Variants in DRC8 observed in about 807,000 individuals in gnomAD.
DRC8 encodes the protein dynein regulatory complex protein 8.
At chr1:244,970,641 G>GCCCCGCCCCGACCCGCCTCTCTC in the DRC8 span, 1 of 82,332 alleles carries the variant, frequency 1.2e-5, no homozygotes, top group Non-Finnish European at 1.9e-5. Context: ...CCGCCGCTCC[G>GCCCCGCCCCGACCCGCCTCTCTC]CCCCGCCCCG....
the DRC8 span, among the ~76,000 whole-genome samples, chr1:245,114,655 A>G: frequency 6.6e-6 from 1 of 152,154 alleles, no homozygotes; most frequent in African/African-American, 2.4e-5. Context: ...GTTTGGTGAA[A>G]TAGGGCAGAT....
At chr1:244,974,560 CTT>C in the DRC8 span, among the ~76,000 whole-genome samples, 1 of 152,122 alleles carries the variant, frequency 6.6e-6, no homozygotes, top group Non-Finnish European at 1.5e-5. Context: ...TTGTGCCACT[CTT>C]TTGAAAACCC....
At chr1:245,017,115 A>G in the DRC8 span, 1 of 859,936 alleles carries the variant, frequency 1.2e-6, no homozygotes, top group Non-Finnish European at 1.7e-6. Context: ...ATGCTAAATG[A>G]TACATAAATA....
chr1:245,067,786 G>A, the DRC8 span, among the ~76,000 whole-genome samples: 1 of 152,150 alleles, frequency 6.6e-6, no homozygotes, highest in African/African-American at 2.4e-5. Context: ...GAATTTGACT[G>A]TATCAAGTTT....
chr1:244,984,419 G>A, the DRC8 span, among the ~76,000 whole-genome samples: 1 of 152,186 alleles, frequency 6.6e-6, no homozygotes, highest in African/African-American at 2.4e-5. Context: ...TAGAAAATGT[G>A]TAGGATATAG....
the DRC8 span, chr1:245,002,021 G>A: frequency 1.7e-5 from 16 of 959,932 alleles, no homozygotes; most frequent in East Asian, 2.9e-4. Flanking sequence ...TTGCTTTGAA[G>A]TGAAAATACC....
the DRC8 span, among the ~76,000 whole-genome samples, chr1:245,019,875 G>T: frequency 2.6e-4 from 39 of 152,330 alleles, no homozygotes; most frequent in African/African-American, 8.9e-4. Flanking sequence ...TGAGGCATTA[G>T]AATCTCTTGA....
chr1:245,094,101 C>T, the DRC8 span, among the ~76,000 whole-genome samples: 115 of 152,226 alleles, frequency 7.6e-4, no homozygotes, highest in African/African-American at 2.6e-3. Context: ...AGGTATGATC[C>T]GCACTTAGGC....
At chr1:245,029,454 T>G in the DRC8 span, among the ~76,000 whole-genome samples, 2 of 146,370 alleles carry the variant, frequency 1.4e-5, no homozygotes, top group Non-Finnish European at 3.0e-5. Flanking sequence ...CCCGCCACCA[T>G]GCTCAGCTAA....
At chr1:245,056,935 C>A in the DRC8 span, among the ~76,000 whole-genome samples, 365 of 111,382 alleles carry the variant, frequency 3.3e-3, no homozygotes, top group South Asian at 3.8e-3. Context: ...GACTCCATCT[C>A]AAAAAAAAAA....
At chr1:245,021,421 T>TTA in the DRC8 span, among the ~76,000 whole-genome samples, 18,340 of 151,356 alleles carry the variant, frequency 0.12, 1,482 homozygotes, top group African/African-American at 0.22. Context: ...TTATTCTACT[T>TTA]TATATATATA....
the DRC8 span, among the ~76,000 whole-genome samples, chr1:245,078,899 A>G: frequency 2.6e-5 from 4 of 152,214 alleles, no homozygotes; most frequent in Non-Finnish European, 4.4e-5. Context: ...GTATATGTAT[A>G]TCAAAACATC....
At chr1:245,025,874 T>C in the DRC8 span, among the ~76,000 whole-genome samples, 3 of 152,226 alleles carry the variant, frequency 2.0e-5, no homozygotes, top group African/African-American at 7.2e-5. Flanking sequence ...CCTGCCGCCA[T>C]GTAAGATGTG....
At chr1:245,095,042 T>A in the DRC8 span, among the ~76,000 whole-genome samples, 1 of 152,158 alleles carries the variant, frequency 6.6e-6, no homozygotes, top group African/African-American at 2.4e-5. Flanking sequence ...TACTGGAGAC[T>A]GGGGCACCAG....
At chr1:245,049,483 C>T in the DRC8 span, among the ~76,000 whole-genome samples, 9 of 152,052 alleles carry the variant, frequency 5.9e-5, no homozygotes, top group African/African-American at 2.2e-4. This position sits in a 1 kb window ranked among gnomAD's most constrained non-coding sequence, Gnocchi z 4.5. Context: ...CTTATGGGGG[C>T]CAGCCTGTGA....
chr1:245,059,446 T>C, the DRC8 span: 4 of 1,612,676 alleles, frequency 2.5e-6, no homozygotes, highest in African/African-American at 2.7e-5. Flanking sequence ...AGCTGCATGA[T>C]CTGATTGCAG....
chr1:245,091,751 A>G, the DRC8 span: 2 of 152,254 alleles, frequency 1.3e-5, no homozygotes, highest in African/African-American at 4.8e-5. Context: ...ATCTCATTTT[A>G]TCTCCTAAGT....
chr1:244,985,052 A>G, the DRC8 span, among the ~76,000 whole-genome samples: 167 of 149,408 alleles, frequency 1.1e-3, 3 homozygotes, highest in East Asian at 0.029. Context: ...AACAAAACAG[A>G]CAAGGATGTC....
the DRC8 span, among the ~76,000 whole-genome samples, chr1:245,113,033 C>T: frequency 2.0e-5 from 3 of 152,142 alleles, no homozygotes; most frequent in African/African-American, 7.2e-5. Flanking sequence ...GGATTACAGG[C>T]GTGAGCCACT....
Sources: allele counts gnomAD v4.1 joint callset (sites outside exome capture counted in the v4.1 genomes callset), GRCh38; gene constraint gnomAD v4.1.1; non-coding constraint Gnocchi (gnomAD v3.1); transcripts MANE v1.5; gene names NCBI Gene and HGNC (gene_info 2026-07-23, HGNC 2026-07-21).